Variants in GRM8 observed in about 807,000 individuals in gnomAD.
GRM8 encodes the protein metabotropic glutamate receptor 8.
In GRM8, 47 loss-of-function variants were observed where a neutral mutation model predicts 87.2. The ratio of observed to expected loss-of-function variants is 0.54; its 90% CI spans 0.43 to 0.69. The LOEUF (loss-of-function observed/expected upper bound fraction) is 0.69, where lower values mean the gene tolerates loss of function less well. Among genes scored for constraint, GRM8 ranks in the 30% least tolerant of loss-of-function variants. The pLI is 0.00. For synonymous variants in GRM8, 396 were observed against 404.5 expected, an observed-to-expected ratio of 0.98 and a Z score of 0.25; for missense variants, 1,019 against 1,139.2, an observed-to-expected ratio of 0.89 and a Z score of 1.52.
chr7:126,490,423 TAGAG>T (rs1807871433), intron 9 of GRM8, among the ~76,000 whole-genome samples: 1 of 152,044 alleles, frequency 6.6e-6, no homozygotes, highest in African/African-American at 2.4e-5. Flanking sequence ...AGACTAGCCT[TAGAG>T]AGCTTTGGCA....
intron 3 of GRM8, among the ~76,000 whole-genome samples, chr7:126,954,420 G>T (rs1808472664): frequency 6.6e-6 from 1 of 152,030 alleles, no homozygotes; most frequent in African/African-American, 2.4e-5. Context: ...GTGTTCCTAG[G>T]GTTGCTAAGT....
At chr7:126,967,893 A>G (rs1484380846) in intron 3 of GRM8, among the ~76,000 whole-genome samples, 1 of 152,214 alleles carries the variant, frequency 6.6e-6, no homozygotes, top group Non-Finnish European at 1.5e-5. Context: ...TAATGAAGCA[A>G]AAGTAGGTTT....
intron 8 of GRM8, among the ~76,000 whole-genome samples, chr7:126,574,944 C>T (rs11971474): frequency 0.31 from 46,934 of 151,936 alleles, 8,130 homozygotes; most frequent in East Asian, 0.44. Flanking sequence ...GACTCACAGT[C>T]TTCTGTCAGC....
chr7:126,935,994 T>G (rs1308395869), intron 3 of GRM8, among the ~76,000 whole-genome samples: 2 of 152,188 alleles, frequency 1.3e-5, no homozygotes, highest in Non-Finnish European at 2.9e-5. Context: ...TAAGTGTGCT[T>G]GCTCTCAGAC....
chr7:126,782,451 G>A (rs1375474850), intron 6 of GRM8, among the ~76,000 whole-genome samples: 1 of 152,108 alleles, frequency 6.6e-6, no homozygotes, highest in Non-Finnish European at 1.5e-5. Context: ...TTCTATTGAG[G>A]ATAACTAAAA....
At chr7:126,863,907 T>C (rs1474536004) in intron 6 of GRM8, among the ~76,000 whole-genome samples, 2 of 151,782 alleles carry the variant, frequency 1.3e-5, no homozygotes, top group African/African-American at 4.8e-5. Context: ...GATATTAATT[T>C]ACTATACCAC....
chr7:127,064,209 T>C (rs564312029), intron 3 of GRM8, among the ~76,000 whole-genome samples: 9 of 152,324 alleles, frequency 5.9e-5, no homozygotes, highest in Admixed American at 1.3e-4. Context: ...AACTCTCTAA[T>C]ACTGTCAGTA....
intron 6 of GRM8, among the ~76,000 whole-genome samples, chr7:126,783,651 T>C (rs938899558): frequency 2.0e-5 from 3 of 152,142 alleles, no homozygotes; most frequent in African/African-American, 4.8e-5. Flanking sequence ...TAGTAACAAA[T>C]TGAACACTGC....
chr7:126,939,050 T>G (rs1009998659), intron 3 of GRM8, among the ~76,000 whole-genome samples: 5 of 152,122 alleles, frequency 3.3e-5, no homozygotes, highest in African/African-American at 1.2e-4. Context: ...ATTAATTTTG[T>G]CTAAAATCAT....
chr7:127,153,106 T>C (rs1792511125), intron 2 of GRM8, among the ~76,000 whole-genome samples: 1 of 152,146 alleles, frequency 6.6e-6, no homozygotes, highest in Non-Finnish European at 1.5e-5. Flanking sequence ...CACAACCTGC[T>C]GTGAAATACT....
At chr7:127,215,495 C>A (rs114669579) in intron 2 of GRM8, among the ~76,000 whole-genome samples, 1 of 152,054 alleles carries the variant, frequency 6.6e-6, no homozygotes, top group Non-Finnish European at 1.5e-5. Context: ...ATGCACCCCT[C>A]CCTACTCATC....
At chr7:127,040,894 G>A (rs1362181836) in intron 3 of GRM8, among the ~76,000 whole-genome samples, 3 of 152,126 alleles carry the variant, frequency 2.0e-5, no homozygotes, top group Non-Finnish European at 2.9e-5. Flanking sequence ...AACAGTACAT[G>A]AATAGAAAAA....
chr7:126,516,447 A>G (rs1812174842), intron 9 of GRM8, among the ~76,000 whole-genome samples: 1 of 152,256 alleles, frequency 6.6e-6, no homozygotes. Flanking sequence ...TGATGTTGGA[A>G]TGGTTTCAAA....
At chr7:126,518,344 G>C (rs571984635) in intron 9 of GRM8, among the ~76,000 whole-genome samples, 5 of 152,152 alleles carry the variant, frequency 3.3e-5, no homozygotes, top group Admixed American at 1.3e-4. Context: ...ATGATGAGTA[G>C]AATGTGCCAC....
At chr7:126,861,875 T>C (rs1478729940) in intron 6 of GRM8, among the ~76,000 whole-genome samples, 3 of 152,028 alleles carry the variant, frequency 2.0e-5, no homozygotes, top group Non-Finnish European at 1.5e-5. Context: ...GATCTGTAAC[T>C]GGCCTTTTAG....
intron 2 of GRM8, among the ~76,000 whole-genome samples, chr7:127,155,831 T>C (rs576384325): frequency 1.8e-4 from 28 of 152,286 alleles, no homozygotes; most frequent in Non-Finnish European, 2.8e-4. Context: ...CTTATGCTAA[T>C]TTTGATTTAA....
intron 8 of GRM8, among the ~76,000 whole-genome samples, chr7:126,551,256 G>T (rs1792552873): frequency 1.3e-5 from 2 of 152,036 alleles, no homozygotes; most frequent in Admixed American, 1.3e-4. Flanking sequence ...CACGAGAAAG[G>T]TATCAGCATT....
chr7:126,785,106 G>A (rs922712347), intron 6 of GRM8, among the ~76,000 whole-genome samples: 31 of 152,092 alleles, frequency 2.0e-4, no homozygotes. Context: ...CACCACAGCC[G>A]TGGACTCCTG....
At chr7:126,583,046 T>A (rs1212150074) in intron 8 of GRM8, among the ~76,000 whole-genome samples, 1 of 152,168 alleles carries the variant, frequency 6.6e-6, no homozygotes, top group South Asian at 2.1e-4. Context: ...TTGAATTTCA[T>A]GTCTTATTAC....
Sources: gnomAD v4.1 joint callset for allele counts (sites outside exome capture counted in the v4.1 genomes callset) on GRCh38, gnomAD v4.1.1 for gene constraint, MANE v1.5 for transcripts, NCBI Gene and HGNC (gene_info 2026-07-23, HGNC 2026-07-21) for gene names.